DSCAM: variants seen among roughly 807,000 people sequenced by gnomAD.
DSCAM encodes cell adhesion molecule DSCAM.
DSCAM carries 47 observed loss-of-function variants against 217.7 expected under a neutral mutation model. The ratio of observed to expected loss-of-function variants is 0.22; its 90% CI spans 0.17 to 0.28. The LOEUF (loss-of-function observed/expected upper bound fraction) is 0.28, where lower values mean the gene tolerates loss of function less well. Ranked by LOEUF, DSCAM falls within the 10% of genes least tolerant of loss-of-function variation. DSCAM has a pLI of 1.00. For missense variants in DSCAM, 2,080 were observed against 2,618.3 expected, an observed-to-expected ratio of 0.79 and a Z score of 4.49; for synonymous variants, 1,056 against 1,015.3, an observed-to-expected ratio of 1.04 and a Z score of -0.76.
chr21:40,128,744 G>C (rs2090123687), intron 19 of DSCAM, among the ~76,000 whole-genome samples: 1 of 150,368 alleles, frequency 6.7e-6, no homozygotes, highest in Non-Finnish European at 1.5e-5. Context: ...GAGCCTGGGA[G>C]ACCTTGACCT....
intron 10 of DSCAM, among the ~76,000 whole-genome samples, chr21:40,282,353 C>T (rs958734625): frequency 3.3e-5 from 5 of 151,548 alleles, no homozygotes; most frequent in African/African-American, 4.9e-5. Flanking sequence ...TTTGGGAGGC[C>T]GAGGCGGGTG....
intron 3 of DSCAM, among the ~76,000 whole-genome samples, chr21:40,470,230 G>A (rs1478421967): frequency 6.6e-6 from 1 of 152,224 alleles, no homozygotes; most frequent in Non-Finnish European, 1.5e-5. Context: ...CAGCCAATGA[G>A]GATTCAGTAA....
At chr21:40,236,495 G>C (rs1410315059) in intron 11 of DSCAM, among the ~76,000 whole-genome samples, 2 of 152,010 alleles carry the variant, frequency 1.3e-5, no homozygotes, top group Non-Finnish European at 2.9e-5. Flanking sequence ...AAATACATGG[G>C]GTAAGGAGCT....
At chr21:40,471,016 G>A (rs1452497784) in intron 3 of DSCAM, among the ~76,000 whole-genome samples, 1 of 152,108 alleles carries the variant, frequency 6.6e-6, no homozygotes, top group Non-Finnish European at 1.5e-5. Context: ...GACCCTAGCT[G>A]TCATATTCCA....
At chr21:40,403,446 A>G (rs2075255214) in intron 3 of DSCAM, among the ~76,000 whole-genome samples, 1 of 152,056 alleles carries the variant, frequency 6.6e-6, no homozygotes, top group Non-Finnish European at 1.5e-5. Flanking sequence ...TACAGAGTAA[A>G]TCTATTTTAC....
intron 3 of DSCAM, among the ~76,000 whole-genome samples, chr21:40,561,729 C>A (rs2076721876): frequency 6.6e-6 from 1 of 152,108 alleles, no homozygotes; most frequent in African/African-American, 2.4e-5. Flanking sequence ...GACATGCTTT[C>A]ATGAAACAAT....
intron 3 of DSCAM, among the ~76,000 whole-genome samples, chr21:40,603,820 C>G (rs1349156780): frequency 6.6e-6 from 1 of 151,802 alleles, no homozygotes; most frequent in Non-Finnish European, 1.5e-5. Context: ...CTTTGTCTCT[C>G]TACAGGTAAG....
At position 40,364,799 on chromosome 21, in the gene DSCAM, C is replaced by T. The variant is rs555546652; in HGVS notation, c.655+4300G>A. On this transcript the variant is annotated intron_variant, in intron 4 of 32. Transcript: ENST00000400454. The stretch of plus-strand genomic sequence containing the variant: ...ATATATACACACATACATATATATA[C>T]ACACTAAGGCACATCTGTTCTCTTA... Among the ~76,000 whole-genome samples, 9 of 147,106 alleles carry T rather than the reference C, an allele frequency of 6.1e-5. No individual in the cohort carries two copies. The South Asian group carries it at 1.9e-3, about 31-fold the overall frequency.
At chr21:40,095,167 G>T (rs1056775458) in intron 20 of DSCAM, among the ~76,000 whole-genome samples, 1 of 152,212 alleles carries the variant, frequency 6.6e-6, no homozygotes, top group Admixed American at 6.5e-5. Context: ...AGCAAAAGGG[G>T]TTCCCCCTTG....
At chr21:40,063,010 A>G in intron 27 of DSCAM, 111 bp from the exon 28 acceptor site, 1 of 894,354 alleles carries the variant, frequency 1.1e-6, no homozygotes, top group Middle Eastern at 2.6e-4. Context: ...TTGAAACACA[A>G]TCATATACCC....
At chr21:40,768,053 C>T (rs780910230) in intron 1 of DSCAM, among the ~76,000 whole-genome samples, 3 of 152,182 alleles carry the variant, frequency 2.0e-5, no homozygotes, top group Non-Finnish European at 2.9e-5. Flanking sequence ...ACTTATAAAA[C>T]ACTCTAAAGT....
chr21:40,333,898 C>T (rs1231223273), intron 8 of DSCAM, among the ~76,000 whole-genome samples: 1 of 152,142 alleles, frequency 6.6e-6, no homozygotes, highest in African/African-American at 2.4e-5. Context: ...CTGCACCTGG[C>T]TGCTTAAGCA....
intron 16 of DSCAM, among the ~76,000 whole-genome samples, chr21:40,163,106 C>CACACACACACACA (rs1388207347): frequency 2.6e-5 from 4 of 151,160 alleles, no homozygotes; most frequent in African/African-American, 9.7e-5. Context: ...CACACACACA[C>CACACACACACACA]AAGCATGCAC....
At chr21:40,355,059 C>T (rs2074677178) in intron 4 of DSCAM, among the ~76,000 whole-genome samples, 1 of 152,022 alleles carries the variant, frequency 6.6e-6, no homozygotes, top group African/African-American at 2.4e-5. Context: ...CAGGTGTCTT[C>T]CTGGAGCTCA....
chr21:40,271,792 C>T (rs559779946), intron 11 of DSCAM, among the ~76,000 whole-genome samples: 10 of 152,296 alleles, frequency 6.6e-5, no homozygotes, highest in Admixed American at 2.0e-4. Context: ...CAGGTGCAGT[C>T]GCTCTGCCCA....
rs1328139007 is a variant in DSCAM at position 40,036,435 on chromosome 21, C to T, written c.5686+5936G>A. On this transcript the variant is annotated intron_variant, in intron 32 of 32. Coordinates refer to ENST00000400454, the MANE Select transcript of DSCAM (RefSeq NM_001389.5). ...ATCTAGAAGAAATGGATAAATTCCT[C>T]GACACATACACTCTCCCAAGACTAA... Among the ~76,000 whole-genome samples, 84 of 140,940 alleles carry T rather than the reference C, an allele frequency of 6.0e-4. 1 individual carries two copies. The highest frequency in any genetic ancestry group is 2.2e-3 in the African/African-American group (78 of 35,674). 92.5% of individuals were successfully genotyped at this position (140,940 alleles called of 152,430 possible). A position where few individuals can be genotyped will look rare whatever the true frequency, so the allele number is the denominator to read the frequency against.
At chr21:40,030,004 A>G (rs1458242200) in intron 32 of DSCAM, among the ~76,000 whole-genome samples, 2 of 152,374 alleles carry the variant, frequency 1.3e-5, no homozygotes, top group East Asian at 3.9e-4. Flanking sequence ...GTGCTTGCGC[A>G]CACACATGCG....
At chr21:40,551,004 C>T (rs2076625335) in intron 3 of DSCAM, among the ~76,000 whole-genome samples, 1 of 152,172 alleles carries the variant, frequency 6.6e-6, no homozygotes, top group African/African-American at 2.4e-5. Flanking sequence ...AGTTAGATGA[C>T]AGTTCACTAT....
chr21:40,200,442 C>A (rs1488646126), intron 11 of DSCAM, among the ~76,000 whole-genome samples: 1 of 152,182 alleles, frequency 6.6e-6, no homozygotes, highest in Non-Finnish European at 1.5e-5. Context: ...TTAGCATAAT[C>A]TCCTCAAGGT....
Sources: gnomAD v4.1 joint callset for allele counts (sites outside exome capture counted in the v4.1 genomes callset) on GRCh38, gnomAD v4.1.1 for gene constraint, MANE v1.5 for transcripts, NCBI Gene and HGNC (gene_info 2026-07-23, HGNC 2026-07-21) for gene names.